Variants in FAM168A observed in about 807,000 individuals in gnomAD.
The protein encoded by FAM168A is protein FAM168A.
FAM168A carries 3 observed loss-of-function variants against 28.5 expected under a neutral mutation model. The observed-to-expected ratio is 0.11, with a 90% CI of 0.05 to 0.27. The LOEUF is 0.27. FAM168A is among the 10% of genes least tolerant of loss of function. FAM168A has a pLI of 1.00. For synonymous variants in FAM168A, 122 were observed against 124.2 expected (o/e 0.98, Z 0.12); for missense variants, 222 against 311.5 (o/e 0.71, Z 2.16).
intron 2 of FAM168A, among the ~76,000 whole-genome samples, chr11:73,462,402 T>C (rs1335337627): frequency 6.6e-6 from 1 of 152,030 alleles, no homozygotes; most frequent in Non-Finnish European, 1.5e-5. Flanking sequence ...GTCAAATTCA[T>C]AAAGATAATA....
intron 1 of FAM168A, among the ~76,000 whole-genome samples, chr11:73,519,048 A>C (rs1943340061): frequency 6.6e-6 from 1 of 152,196 alleles, no homozygotes; most frequent in Non-Finnish European, 1.5e-5. Context: ...ACCATGAGCC[A>C]AAGAAGCCCC....
At chr11:73,536,770 C>A (rs928071651) in intron 1 of FAM168A, among the ~76,000 whole-genome samples, 29 of 152,088 alleles carry the variant, frequency 1.9e-4, no homozygotes, top group African/African-American at 7.0e-4. Context: ...GCAAGAGGTA[C>A]AATAAAAAAT....
intron 2 of FAM168A, among the ~76,000 whole-genome samples, chr11:73,441,092 C>T (rs1867185975): frequency 6.8e-6 from 1 of 147,910 alleles, no homozygotes; most frequent in Non-Finnish European, 1.5e-5. Flanking sequence ...CAGAGTCTTG[C>T]TCTGTCACCA....
intron 1 of FAM168A, among the ~76,000 whole-genome samples, chr11:73,504,947 G>A (rs370453494): frequency 8.6e-5 from 13 of 152,022 alleles, no homozygotes; most frequent in South Asian, 4.2e-4. Context: ...AAGTGGGAGC[G>A]GAACACTGAG....
intron 1 of FAM168A, among the ~76,000 whole-genome samples, chr11:73,592,337 AC>A (rs1429685300): frequency 2.6e-5 from 4 of 152,234 alleles, no homozygotes; most frequent in African/African-American, 9.6e-5. Flanking sequence ...AAAATGTTAA[AC>A]TTTTAGATAA....
Position 73,407,594 on chromosome 11 carries a change from G to A in FAM168A, c.645C>T (p.Val215=). 1 of 1,610,376 alleles carries A rather than the reference G, an allele frequency of 6.2e-7. No homozygotes were observed. Among genetic ancestry groups the A allele is most frequent in the South Asian group, 1.1e-5 (1 of 90,534 alleles). ...PQHTAIGAHP[V]SMPTYRAQGT... is the part of the protein sequence containing the mutation. ...CTTGGGCCCTATATGTTGGCATGGA[G>A]ACAGGGTGTGCCCCAATCGCCGTGT... Residue 215 remains valine, a synonymous_variant, in exon 7 of 8, where the codon GTC becomes GTT. Coordinates refer to ENST00000356467, the MANE Select transcript of FAM168A (RefSeq NM_015159.3).
chr11:73,505,937 C>T (rs562600170), intron 1 of FAM168A, among the ~76,000 whole-genome samples: 3 of 152,266 alleles, frequency 2.0e-5, no homozygotes, highest in East Asian at 3.9e-4. Context: ...TCAGCTTCTG[C>T]TATTGGAACT....
At chr11:73,452,960 A>T (rs1867460188) in intron 2 of FAM168A, among the ~76,000 whole-genome samples, 1 of 152,254 alleles carries the variant, frequency 6.6e-6, no homozygotes, top group Non-Finnish European at 1.5e-5. Context: ...ACCAGACGGT[A>T]AATAATTTGA....
At chr11:73,409,296 C>T (rs1386001683) in intron 6 of FAM168A, among the ~76,000 whole-genome samples, 191 bp downstream of exon 6, 1 of 152,130 alleles carries the variant, frequency 6.6e-6, no homozygotes, top group Non-Finnish European at 1.5e-5. Context: ...AGGCCTAGCT[C>T]GATACGTCCT....
intron 1 of FAM168A, among the ~76,000 whole-genome samples, chr11:73,568,452 A>C (rs1314128356): frequency 6.6e-6 from 1 of 152,252 alleles, no homozygotes. Flanking sequence ...AATATTTTGC[A>C]CTATAATAAT....
intron 1 of FAM168A, among the ~76,000 whole-genome samples, chr11:73,529,001 A>T (rs1590835478): frequency 6.7e-6 from 1 of 148,580 alleles, no homozygotes; most frequent in Non-Finnish European, 1.5e-5. Flanking sequence ...TGTGGGATTT[A>T]AAAAAAAAAG....
chr11:73,416,360 G>C (rs918126470), intron 4 of FAM168A, among the ~76,000 whole-genome samples: 1 of 152,064 alleles, frequency 6.6e-6, no homozygotes, highest in South Asian at 2.1e-4. Context: ...CTTGCATCAC[G>C]GATGCCTTTT....
intron 2 of FAM168A, among the ~76,000 whole-genome samples, chr11:73,453,032 T>C (rs1345455947): frequency 6.6e-6 from 1 of 152,244 alleles, no homozygotes; most frequent in Non-Finnish European, 1.5e-5. Flanking sequence ...AAAATCCTTA[T>C]GAATTCTGAA....
At position 73,411,522 on chromosome 11, in the gene FAM168A, T is replaced by A; in HGVS notation, c.292A>T (p.Thr98Ser). The A allele has an allele frequency of 1.2e-6, 2 of 1,613,862 alleles. No individual in the cohort carries two copies. The highest frequency in any genetic ancestry group is 1.7e-6 in the Non-Finnish European group (2 of 1,179,936). Residue 98 changes from threonine (T) to serine (S), a missense_variant, in exon 5 of 8, where the codon ACA becomes TCA. Coordinates refer to ENST00000356467, the MANE Select transcript of FAM168A (RefSeq NM_015159.3). The stretch of plus-strand genomic sequence containing the variant: ...TGGGTCGGTGGGACCTTGTATGGTG[T>A]CCCCGCAGTATATCCTGTACCAAGG... ...SSAAFRYTAG[T>S]PYKVPPTQSN...
chr11:73,478,791 C>T (rs1478108423), intron 1 of FAM168A, among the ~76,000 whole-genome samples: 1 of 152,014 alleles, frequency 6.6e-6, no homozygotes, highest in Non-Finnish European at 1.5e-5. Flanking sequence ...ATTTCTGTCC[C>T]TGGGGTATTT....
intron 3 of FAM168A, among the ~76,000 whole-genome samples, chr11:73,428,834 T>C (rs1235043517): frequency 1.3e-5 from 2 of 152,218 alleles, no homozygotes; most frequent in African/African-American, 2.4e-5. Context: ...GCTCCCTTCA[T>C]AAGCTTTCCA....
At chr11:73,529,733 T>A (rs535344003) in intron 1 of FAM168A, among the ~76,000 whole-genome samples, 1 of 151,440 alleles carries the variant, frequency 6.6e-6, no homozygotes, top group African/African-American at 2.4e-5. Context: ...TAAGCCAACC[T>A]AGAGAAACAC....
At chr11:73,483,353 G>A (rs141807643) in intron 1 of FAM168A, among the ~76,000 whole-genome samples, 13 of 152,266 alleles carry the variant, frequency 8.5e-5, no homozygotes, top group African/African-American at 3.1e-4. Flanking sequence ...AGCCTAAAAC[G>A]AGTAAGGAAA....
intron 2 of FAM168A, among the ~76,000 whole-genome samples, chr11:73,440,469 C>A (rs941534198): frequency 6.6e-6 from 1 of 151,934 alleles, no homozygotes; most frequent in African/African-American, 2.4e-5. Flanking sequence ...GGCAATGTAG[C>A]GAGACCCTGG....
Sources: gnomAD v4.1 joint callset for allele counts (sites outside exome capture counted in the v4.1 genomes callset) on GRCh38, gnomAD v4.1.1 for gene constraint, MANE v1.5 for transcripts, NCBI Gene and HGNC (gene_info 2026-07-23, HGNC 2026-07-21) for gene names.